SORCS2: variants seen among roughly 807,000 people sequenced by gnomAD.
SORCS2 encodes the protein VPS10 domain-containing receptor SorCS2.
SORCS2 carries 100 observed loss-of-function variants against 141.6 expected under a neutral mutation model. That is an observed-to-expected ratio of 0.71 (90% confidence interval 0.60 to 0.83). The LOEUF (loss-of-function observed/expected upper bound fraction) is 0.83, where lower values mean the gene tolerates loss of function less well. Among genes scored for constraint, SORCS2 ranks in the 40% least tolerant of loss-of-function variants. SORCS2 has a pLI of 0.00. For synonymous variants in SORCS2, 789 were observed against 676.9 expected (o/e 1.17, Z -2.57); for missense variants, 1,646 against 1,560.2 (o/e 1.05, Z -0.93).
At chr4:7,609,219 C>G (rs569340845) in intron 3 of SORCS2, among the ~76,000 whole-genome samples, 20 of 152,232 alleles carry the variant, frequency 1.3e-4, no homozygotes, top group Admixed American at 7.8e-4. Flanking sequence ...GTTTGTTTTT[C>G]CTTTTCAAGG....
chr4:7,565,615 AATG>A (rs35827762), intron 3 of SORCS2, among the ~76,000 whole-genome samples: 11,413 of 151,350 alleles, frequency 0.075, 470 homozygotes, highest in Non-Finnish European at 0.084. Flanking sequence ...ATGATGATAT[AATG>A]ATGATAATGA....
At chr4:7,697,376 G>A in intron 12 of SORCS2, 102 bp downstream of exon 12, 1 of 1,039,824 alleles carries the variant, frequency 9.6e-7, no homozygotes, top group Non-Finnish European at 1.4e-6. Flanking sequence ...AGGCTCTGTG[G>A]GAGAAGCTCT....
At chr4:7,309,435 C>T (rs1718042888) in intron 1 of SORCS2, among the ~76,000 whole-genome samples, 1 of 152,130 alleles carries the variant, frequency 6.6e-6, no homozygotes, top group African/African-American at 2.4e-5. Context: ...GAGGCCTTTC[C>T]CTTGAGGCAG....
chr4:7,478,643 G>A (rs1211599510), intron 2 of SORCS2, among the ~76,000 whole-genome samples: 2 of 152,136 alleles, frequency 1.3e-5, no homozygotes, highest in Non-Finnish European at 2.9e-5. Flanking sequence ...CTCTGACCTG[G>A]TCACCACTGT....
chr4:7,640,389 GGTGTGTGAGT>G (rs1720638405), intron 4 of SORCS2, among the ~76,000 whole-genome samples: 1 of 122,468 alleles, frequency 8.2e-6, no homozygotes, highest in Non-Finnish European at 1.6e-5. Context: ...TGAGTGTGTG[GGTGTGTGAGT>G]GTGTGTGGGT....
At chr4:7,255,055 G>A (rs1713760781) in intron 1 of SORCS2, among the ~76,000 whole-genome samples, 1 of 152,120 alleles carries the variant, frequency 6.6e-6, no homozygotes, top group Non-Finnish European at 1.5e-5. Flanking sequence ...GTGAGTGTGT[G>A]AGCGTGCGTG....
chr4:7,627,093 C>T (rs113648121), intron 3 of SORCS2, among the ~76,000 whole-genome samples: 4 of 152,174 alleles, frequency 2.6e-5, no homozygotes, highest in African/African-American at 9.7e-5. Context: ...TCAAGAGATC[C>T]TCCTGCCTCA....
At chr4:7,726,314 G>T (rs1408861194) in intron 20 of SORCS2, among the ~76,000 whole-genome samples, 1 of 152,222 alleles carries the variant, frequency 6.6e-6, no homozygotes, top group African/African-American at 2.4e-5. Flanking sequence ...GGGGTGCTGG[G>T]ACCTCAAGTT....
chr4:7,302,573 C>G (rs1717502574), intron 1 of SORCS2, among the ~76,000 whole-genome samples: 1 of 152,168 alleles, frequency 6.6e-6, no homozygotes, highest in Non-Finnish European at 1.5e-5. Flanking sequence ...CAGGGCCCTC[C>G]CTGTAGGCCC....
chr4:7,345,585 C>T (rs1720607440), intron 1 of SORCS2, among the ~76,000 whole-genome samples: 1 of 150,194 alleles, frequency 6.7e-6, no homozygotes, highest in Non-Finnish European at 1.5e-5. Context: ...CCTAGGACCT[C>T]TCCATAGACA....
intron 2 of SORCS2, among the ~76,000 whole-genome samples, chr4:7,517,742 G>A (rs1733080247): frequency 6.6e-6 from 1 of 152,182 alleles, no homozygotes. Flanking sequence ...CCCTCCTAGA[G>A]CTTAACCCTG....
intron 1 of SORCS2, among the ~76,000 whole-genome samples, chr4:7,275,967 C>T (rs906949564): frequency 9.9e-5 from 15 of 152,118 alleles, no homozygotes; most frequent in Admixed American, 2.0e-4. Context: ...GTGCCTGGAC[C>T]GAGGCTTGGA....
At chr4:7,602,225 C>T (rs892922794) in intron 3 of SORCS2, among the ~76,000 whole-genome samples, 1 of 149,012 alleles carries the variant, frequency 6.7e-6, no homozygotes, top group African/African-American at 2.4e-5. Context: ...GAGGGGCCCT[C>T]ACCTCCCAGA....
chr4:7,373,009 T>TTG (rs1375268119), intron 1 of SORCS2, among the ~76,000 whole-genome samples: 1 of 151,106 alleles, frequency 6.6e-6, no homozygotes, highest in Non-Finnish European at 1.5e-5. Context: ...GGTTTCTGTT[T>TTG]TTTTTTTTTT....
intron 2 of SORCS2, among the ~76,000 whole-genome samples, chr4:7,427,553 C>T (rs1232400225): frequency 6.6e-6 from 1 of 152,158 alleles, no homozygotes; most frequent in Non-Finnish European, 1.5e-5. Flanking sequence ...GGCAGCTGAC[C>T]ATCTGTGTTA....
At chr4:7,701,432 A>G (rs1208934804) in intron 12 of SORCS2, among the ~76,000 whole-genome samples, 1 of 152,140 alleles carries the variant, frequency 6.6e-6, no homozygotes, top group Non-Finnish European at 1.5e-5. Context: ...AACCAGGAGG[A>G]AACGCCTGGG....
At chr4:7,624,927 G>A (rs895411639) in intron 3 of SORCS2, among the ~76,000 whole-genome samples, 2 of 152,176 alleles carry the variant, frequency 1.3e-5, no homozygotes, top group Admixed American at 6.5e-5. Context: ...GACGGCGGGG[G>A]CTCTCGTCTC....
intron 3 of SORCS2, among the ~76,000 whole-genome samples, chr4:7,545,065 C>A (rs552296328): frequency 6.6e-6 from 1 of 152,024 alleles, no homozygotes; most frequent in African/African-American, 2.4e-5. Context: ...TAGAGTGAAC[C>A]CTGGAAACTT....
intron 3 of SORCS2, among the ~76,000 whole-genome samples, chr4:7,581,212 C>G (rs749982783): frequency 2.7e-5 from 4 of 148,724 alleles, no homozygotes; most frequent in Admixed American, 6.7e-5. Context: ...GGTATTAAAA[C>G]TATGTACAGA....
Sources: allele counts gnomAD v4.1 joint callset (sites outside exome capture counted in the v4.1 genomes callset), GRCh38; gene constraint gnomAD v4.1.1; transcripts MANE v1.5; gene names NCBI Gene and HGNC (gene_info 2026-07-23, HGNC 2026-07-21).